EML6: variants seen among roughly 807,000 people sequenced by gnomAD.
The protein encoded by EML6 is echinoderm microtubule-associated protein-like 6.
EML6 carries 154 observed loss-of-function variants against 240.1 expected under a neutral mutation model. The observed-to-expected ratio is 0.64, with a 90% CI of 0.56 to 0.73. The LOEUF is 0.73. Ranked by LOEUF, EML6 falls within the 30% of genes least tolerant of loss-of-function variation. EML6 has a pLI of 0.00. For synonymous variants in EML6, 1,148 were observed against 899.0 expected (o/e 1.28, Z -4.95); for missense variants, 2,964 against 2,474.6 (o/e 1.20, Z -4.20).
chr2:54,939,507 A>C (rs952302529), intron 28 of EML6, among the ~76,000 whole-genome samples: 2 of 152,188 alleles, frequency 1.3e-5, no homozygotes, highest in African/African-American at 4.8e-5. Flanking sequence ...ACGAGGACTC[A>C]TTTCCAAGTA....
chr2:54,852,459 G>A (rs1670143981), intron 10 of EML6, among the ~76,000 whole-genome samples: 1 of 152,132 alleles, frequency 6.6e-6, no homozygotes, highest in African/African-American at 2.4e-5. Context: ...GTTCAGGGGT[G>A]GCATCATAAT....
chr2:54,884,378 A>G (rs760946768), intron 17 of EML6, among the ~76,000 whole-genome samples: 53 of 152,132 alleles, frequency 3.5e-4, no homozygotes, highest in Non-Finnish European at 6.3e-4. Context: ...TGGAGTTTTT[A>G]CTGGAGGCTT....
At chr2:54,848,968 T>G (rs1669921907) in intron 9 of EML6, among the ~76,000 whole-genome samples, 1 of 152,236 alleles carries the variant, frequency 6.6e-6, no homozygotes, top group Admixed American at 6.5e-5. Context: ...GTCACTCGTT[T>G]CTTAAAGTAT....
chr2:54,785,643 ACTGT>A (rs1240511206), intron 2 of EML6, among the ~76,000 whole-genome samples: 3 of 152,296 alleles, frequency 2.0e-5, no homozygotes, highest in Admixed American at 6.5e-5. Context: ...GATTCCATGT[ACTGT>A]CTGTGTGTAA....
chr2:54,824,071 A>G (rs1330374477), intron 5 of EML6, among the ~76,000 whole-genome samples: 1 of 152,220 alleles, frequency 6.6e-6, no homozygotes, highest in African/African-American at 2.4e-5. Flanking sequence ...TTACACTGAG[A>G]AATTTCTTTA....
chr2:54,870,369 A>T (rs190151276), intron 15 of EML6, among the ~76,000 whole-genome samples: 2 of 149,358 alleles, frequency 1.3e-5, no homozygotes, highest in Non-Finnish European at 3.0e-5. Context: ...AGGGCTGACC[A>T]TTGGTTTATA....
At chr2:54,938,372 A>G (rs1558705831) in intron 28 of EML6, among the ~76,000 whole-genome samples, 1 of 152,214 alleles carries the variant, frequency 6.6e-6, no homozygotes, top group Non-Finnish European at 1.5e-5. Context: ...CAGTTACATA[A>G]GGCAGGAGCT....
intron 16 of EML6, among the ~76,000 whole-genome samples, chr2:54,875,570 A>G (rs1252704781): frequency 6.6e-6 from 1 of 152,242 alleles, no homozygotes; most frequent in African/African-American, 2.4e-5. Context: ...ACTAGATAAC[A>G]AATAAGCACA....
chr2:54,967,270 C>A, intron 39 of EML6, 167 bp downstream of exon 39: 1 of 516,608 alleles, frequency 1.9e-6, no homozygotes, highest in Non-Finnish European at 3.5e-6. Flanking sequence ...TAGTTTAGGT[C>A]ACTGGCTTTG....
chr2:54,842,036 G>C (rs1487649316), intron 7 of EML6, among the ~76,000 whole-genome samples: 2 of 152,010 alleles, frequency 1.3e-5, no homozygotes, highest in Non-Finnish European at 2.9e-5. Flanking sequence ...CCACCAGAGT[G>C]GTACATTTGT....
chr2:54,802,675 C>G (rs529690459), intron 2 of EML6, among the ~76,000 whole-genome samples: 22 of 150,498 alleles, frequency 1.5e-4, no homozygotes, highest in African/African-American at 5.1e-4. Flanking sequence ...ACTGCTACTA[C>G]TACTACTACC....
chr2:54,796,231 C>T (rs1019207034), intron 2 of EML6, among the ~76,000 whole-genome samples: 6 of 152,162 alleles, frequency 3.9e-5, no homozygotes, highest in African/African-American at 1.2e-4. Flanking sequence ...AAAGAAATCT[C>T]CTTGGGAATA....
At chr2:54,968,014 G>C in intron 39 of EML6, 114 bp from the exon 40 acceptor site, 1 of 1,055,102 alleles carries the variant, frequency 9.5e-7, no homozygotes, top group East Asian at 2.6e-5. Context: ...TGGCTGTTGG[G>C]GACCCCTGAT....
chr2:54,831,534 G>C (rs563347258), intron 7 of EML6, among the ~76,000 whole-genome samples: 2 of 152,266 alleles, frequency 1.3e-5, no homozygotes, highest in East Asian at 3.9e-4. Flanking sequence ...ATCAGTCTCA[G>C]ATTCCCGCCC....
At chr2:54,885,264 G>A (rs1394978806) in intron 17 of EML6, among the ~76,000 whole-genome samples, 2 of 152,078 alleles carry the variant, frequency 1.3e-5, no homozygotes, top group South Asian at 4.2e-4. Context: ...GACCAACATG[G>A]TAAAACCACC....
At chr2:54,727,154 G>A (rs1043192334) in intron 2 of EML6, among the ~76,000 whole-genome samples, 5 of 152,168 alleles carry the variant, frequency 3.3e-5, no homozygotes, top group Admixed American at 2.0e-4. Flanking sequence ...TGTATAACTG[G>A]GTTTGCAGGG....
At chr2:54,794,784 C>T (rs165054) in intron 2 of EML6, among the ~76,000 whole-genome samples, 132,487 of 152,228 alleles carry the variant, frequency 0.87, 58,034 homozygotes, top group African/African-American at 0.96. Context: ...ATTACGCTTA[C>T]GTGACAAGTG....
At chr2:54,841,675 C>G (rs1669464736) in intron 7 of EML6, among the ~76,000 whole-genome samples, 1 of 149,944 alleles carries the variant, frequency 6.7e-6, no homozygotes, top group African/African-American at 2.4e-5. Context: ...CTGCAAGTCC[C>G]TCCGCCTCCC....
intron 7 of EML6, among the ~76,000 whole-genome samples, chr2:54,832,577 T>A (rs1410179080): frequency 2.6e-5 from 4 of 152,200 alleles, no homozygotes; most frequent in Non-Finnish European, 5.9e-5. Context: ...AATCAAGATG[T>A]AAATAGCTTT....
Sources: allele counts gnomAD v4.1 joint callset (sites outside exome capture counted in the v4.1 genomes callset), GRCh38; gene constraint gnomAD v4.1.1; transcripts MANE v1.5; gene names NCBI Gene and HGNC (gene_info 2026-07-23, HGNC 2026-07-21).